MBOAT2: variants seen among roughly 807,000 people sequenced by gnomAD.
MBOAT2 encodes the protein membrane-bound glycerophospholipid O-acyltransferase 2.
MBOAT2 carries 28 observed loss-of-function variants against 63.4 expected under a neutral mutation model. The observed-to-expected ratio is 0.44, with a 90% CI of 0.33 to 0.61. The LOEUF (loss-of-function observed/expected upper bound fraction) is 0.61. Ranked by LOEUF, MBOAT2 falls within the 20% of genes least tolerant of loss-of-function variation. The pLI is 0.03. For missense variants in MBOAT2, 470 were observed against 605.8 expected (o/e 0.78, Z 2.35); for synonymous variants, 211 against 215.6 (o/e 0.98, Z 0.19).
intron 3 of MBOAT2, among the ~76,000 whole-genome samples, chr2:8,911,717 C>A (rs1374360302): frequency 6.6e-6 from 1 of 152,150 alleles, no homozygotes; most frequent in Non-Finnish European, 1.5e-5. Flanking sequence ...GTGGTCTCTG[C>A]ACACACTGGC....
intron 3 of MBOAT2, among the ~76,000 whole-genome samples, chr2:8,917,612 T>G (rs1052783488): frequency 1.3e-5 from 2 of 152,180 alleles, no homozygotes; most frequent in African/African-American, 4.8e-5. Context: ...AGAAAGGAAC[T>G]GGCGCTCGCA....
chr2:8,881,507 T>C (rs951465209), intron 6 of MBOAT2, among the ~76,000 whole-genome samples: 1 of 152,128 alleles, frequency 6.6e-6, no homozygotes, highest in African/African-American at 2.4e-5. Flanking sequence ...TCTTCCCCTG[T>C]TCAGGTAGGT....
intron 4 of MBOAT2, among the ~76,000 whole-genome samples, chr2:8,907,573 C>T (rs1311181326): frequency 4.6e-5 from 7 of 152,150 alleles, no homozygotes; most frequent in Admixed American, 2.6e-4. Flanking sequence ...ACCTACTATC[C>T]ATAAACTAGA....
Position 8,858,287 on chromosome 2 carries a change from G to C in MBOAT2, c.*392C>G, listed in dbSNP as rs574092900. ...TTTAGGAACAATATTTTAGGAAATA[G>C]AGGGTTTAAGGCAAGACATTCATTT... On this transcript the variant is annotated 3_prime_UTR_variant, in exon 13 of 13. Coordinates refer to ENST00000305997, the MANE Select transcript of MBOAT2 (RefSeq NM_138799.4). 6.1e-6 allele frequency: 1 copy of C among 164,728 alleles called. No homozygotes were observed. The highest frequency in any genetic ancestry group is 2.4e-5 in the African/African-American group (1 of 41,936). The allele number at this position is 164,728 out of a possible 1,614,324, so 10.2% of individuals were successfully genotyped here.
chr2:8,883,523 T>C (rs1378333541), intron 5 of MBOAT2, among the ~76,000 whole-genome samples: 1 of 152,194 alleles, frequency 6.6e-6, no homozygotes, highest in Non-Finnish European at 1.5e-5. Context: ...AGAAAATAAT[T>C]ACTGTCTTAA....
At chr2:8,945,453 C>T (rs144688288) in intron 2 of MBOAT2, among the ~76,000 whole-genome samples, 50 of 152,004 alleles carry the variant, frequency 3.3e-4, no homozygotes, top group African/African-American at 8.9e-4. Context: ...TTATCTAGCA[C>T]GTAGTAAGCA....
At chr2:8,907,906 C>G (rs549809127) in intron 4 of MBOAT2, among the ~76,000 whole-genome samples, 9 of 151,900 alleles carry the variant, frequency 5.9e-5, no homozygotes, top group African/African-American at 2.2e-4. Flanking sequence ...TCAGAGGTAA[C>G]ATGATTTTTC....
intron 4 of MBOAT2, among the ~76,000 whole-genome samples, chr2:8,892,541 A>G (rs1664080269): frequency 6.6e-6 from 1 of 152,236 alleles, no homozygotes; most frequent in Admixed American, 6.5e-5. Context: ...TACAATGTGA[A>G]CAAGACAGGC....
At chr2:8,986,207 CAA>C (rs749608343) in intron 1 of MBOAT2, among the ~76,000 whole-genome samples, 24 of 74,372 alleles carry the variant, frequency 3.2e-4, no homozygotes, top group African/African-American at 7.3e-4. Flanking sequence ...ACAAGGTCAC[CAA>C]AAAAAAAAAA....
Position 9,003,013 on chromosome 2 carries a change from C to A in MBOAT2, c.75+527G>T, listed in dbSNP as rs992482106. Among the ~76,000 whole-genome samples, 2 of 152,176 alleles carry A rather than the reference C, an allele frequency of 1.3e-5. No homozygotes were observed. The highest frequency in any genetic ancestry group is 4.8e-5 in the African/African-American group (2 of 41,450). On this transcript the variant is annotated intron_variant, in intron 1 of 12. Coordinates refer to ENST00000305997, the MANE Select transcript of MBOAT2 (RefSeq NM_138799.4). This position sits in a 1 kb window ranked among gnomAD's most constrained non-coding sequence, Gnocchi z 5.4. ...AAGTGCAGTAGCGCTTAAGCCTCTC[C>A]GGGCCCCTAGCACCCATCGACGCCG... is the stretch of plus-strand genomic sequence containing the variant.
At chr2:8,917,329 G>GA (rs771026880) in intron 3 of MBOAT2, among the ~76,000 whole-genome samples, 2 of 151,788 alleles carry the variant, frequency 1.3e-5, no homozygotes, top group Non-Finnish European at 2.9e-5. Context: ...AACATAGGTT[G>GA]AAAAAAATTT....
Position 8,985,571 on chromosome 2 carries a change from G to A in MBOAT2, c.75+17969C>T, listed in dbSNP as rs540251642. Among the ~76,000 whole-genome samples the A allele has an allele frequency of 9.2e-5, 14 of 151,892 alleles. No individual in the cohort carries two copies. The South Asian group carries it at 2.3e-3, about 25-fold the overall frequency. The stretch of plus-strand genomic sequence containing the variant: ...AGCCACTTCTTTTCCAGTCCTCCCC[G>A]CCCTGTCCCCTAGCTTCCCATAATT... On this transcript the variant is annotated intron_variant, in intron 1 of 12. Transcript: ENST00000305997.
intron 3 of MBOAT2, among the ~76,000 whole-genome samples, chr2:8,932,598 G>C (rs550964389): frequency 1.3e-5 from 2 of 152,174 alleles, no homozygotes; most frequent in African/African-American, 2.4e-5. Flanking sequence ...ACCTCAACAA[G>C]ACTAATGAAT....
At chr2:8,893,089 A>C (rs900710310) in intron 4 of MBOAT2, among the ~76,000 whole-genome samples, 2 of 5,700 alleles carry the variant, frequency 3.5e-4, no homozygotes, top group South Asian at 4.9e-3. Flanking sequence ...AGGCAGGGGG[A>C]GGGGGTGGGG....
chr2:8,960,353 C>A (rs1260423172), intron 1 of MBOAT2, among the ~76,000 whole-genome samples: 1 of 152,186 alleles, frequency 6.6e-6, no homozygotes, highest in Admixed American at 6.5e-5. Context: ...TCTAAACATG[C>A]ATGAGTCCCA....
Position 8,914,863 on chromosome 2 carries a change from A to G in MBOAT2, c.300-6147T>C, listed in dbSNP as rs922832682. On this transcript the variant is annotated intron_variant, in intron 3 of 12. Transcript: ENST00000305997. ...ATTTTGGCTATATTGGGTAAAATGAAATGTTATTACTAAAATATATTACTT... is the reference window on the plus strand; with the variant it reads ...ATTTTGGCTATATTGGGTAAAATGAGATGTTATTACTAAAATATATTACTT... 5.3e-4 allele frequency among the ~76,000 whole-genome samples: 81 copies of G among 151,932 alleles called. 1 individual carries two copies. The highest frequency in any genetic ancestry group is 8.8e-5 in the Non-Finnish European group (6 of 67,974).
chr2:8,864,560 C>T (rs998997367), intron 9 of MBOAT2, among the ~76,000 whole-genome samples: 1 of 152,158 alleles, frequency 6.6e-6, no homozygotes, highest in Admixed American at 6.6e-5. Flanking sequence ...CCCTCTCACA[C>T]TGAAAACTGG....
intron 9 of MBOAT2, 54 bp downstream of exon 9, chr2:8,868,392 G>C: frequency 1.4e-6 from 2 of 1,461,710 alleles, no homozygotes; most frequent in Non-Finnish European, 1.9e-6. Context: ...ACTTATGAAA[G>C]CAAACTATGG....
intron 1 of MBOAT2, among the ~76,000 whole-genome samples, chr2:8,964,379 C>T (rs1388931241): frequency 6.6e-6 from 1 of 151,496 alleles, no homozygotes; most frequent in Non-Finnish European, 1.5e-5. Flanking sequence ...ATGGCTCTAC[C>T]TTATTTACTC....
Sources: gnomAD v4.1 joint callset for allele counts (sites outside exome capture counted in the v4.1 genomes callset) on GRCh38, gnomAD v4.1.1 for gene constraint, Gnocchi (gnomAD v3.1) non-coding constraint, MANE v1.5 for transcripts, NCBI Gene and HGNC (gene_info 2026-07-23, HGNC 2026-07-21) for gene names.